The following PDE1A variants were observed in gnomAD, a reference collection of about 807,000 sequenced individuals.
The protein encoded by PDE1A is phosphodiesterase 1A.
A neutral mutation model predicts 61.7 loss-of-function variants in PDE1A; 35 were observed. That is an observed-to-expected ratio of 0.57 (90% CI 0.43 to 0.75). PDE1A has a LOEUF of 0.75. Among genes scored for constraint, PDE1A ranks in the 30% least tolerant of loss-of-function variants. The pLI is 0.00. For synonymous variants in PDE1A, 232 were observed against 213.2 expected (o/e 1.09, Z -0.77); for missense variants, 597 against 630.6 (o/e 0.95, Z 0.57).
chr2:182,614,693 G>T, the PDE1A span, among the ~76,000 whole-genome samples: 1 of 151,834 alleles, frequency 6.6e-6, no homozygotes, highest in Non-Finnish European at 1.5e-5. Flanking sequence ...GAGTAGCTGA[G>T]ACTACAGGCA....
chr2:182,454,368 T>C (rs149838325), intron 2 of PDE1A, among the ~76,000 whole-genome samples: 25,752 of 151,830 alleles, frequency 0.17, 2,585 homozygotes, highest in Middle Eastern at 0.35. Context: ...GATTCAATGG[T>C]ATCCCCATCA....
chr2:182,465,717 C>G (rs1388982188), intron 2 of PDE1A, among the ~76,000 whole-genome samples: 1 of 152,000 alleles, frequency 6.6e-6, no homozygotes, highest in Non-Finnish European at 1.5e-5. Context: ...ATTTAGTTAT[C>G]CACAGACAAA....
the PDE1A span, among the ~76,000 whole-genome samples, chr2:182,626,754 TATATATAC>T: frequency 8.2e-3 from 42 of 5,092 alleles, 7 homozygotes; most frequent in East Asian, 0.036. Flanking sequence ...TATACATATA[TATATATAC>T]ATATATATAC....
chr2:182,623,848 A>G, the PDE1A span, among the ~76,000 whole-genome samples: 12 of 152,296 alleles, frequency 7.9e-5, no homozygotes, highest in Middle Eastern at 3.4e-3. Context: ...AAGACAGGCC[A>G]GGCGCGGTGG....
In PDE1A at chr2:182,299,784, A is replaced by G. The variant is rs112253554; in HGVS notation, c.54-35370T>C. Among the ~76,000 whole-genome samples the G allele has an allele frequency of 1.5e-3, 235 of 152,236 alleles. 1 individual carries two copies. Among genetic ancestry groups the G allele is most frequent in the African/African-American group, 5.3e-3 (222 of 41,544 alleles). On this transcript the variant is annotated intron_variant, in intron 1 of 13. Coordinates refer to ENST00000351439, the Ensembl canonical transcript of PDE1A. Reference sequence around the variant, plus strand: ...GTTCAGATTCACATGATTGCATAACAATGTGTTCTTGATTATACACCAAGA... The same window carrying G: ...GTTCAGATTCACATGATTGCATAACGATGTGTTCTTGATTATACACCAAGA...
the PDE1A span, among the ~76,000 whole-genome samples, chr2:182,693,884 T>C: frequency 6.6e-6 from 1 of 152,144 alleles, no homozygotes; most frequent in Non-Finnish European, 1.5e-5. Flanking sequence ...TGACCTCAAG[T>C]GATCCGCCCG....
chr2:182,648,242 T>C, the PDE1A span, among the ~76,000 whole-genome samples: 1 of 152,120 alleles, frequency 6.6e-6, no homozygotes, highest in Non-Finnish European at 1.5e-5. Flanking sequence ...TGGGACATTC[T>C]GAGCCTTGCG....
the PDE1A span, among the ~76,000 whole-genome samples, chr2:182,583,705 G>C: frequency 1.3e-5 from 2 of 152,058 alleles, no homozygotes; most frequent in Admixed American, 6.6e-5. Context: ...TTTTTCCAGT[G>C]CAATTTTTCT....
chr2:182,616,484 TGAGTA>T, the PDE1A span, among the ~76,000 whole-genome samples: 1 of 152,208 alleles, frequency 6.6e-6, no homozygotes, highest in African/African-American at 2.4e-5. Context: ...TAGCAATAGT[TGAGTA>T]AAGTCTCATG....
rs75384784 is a variant in PDE1A at position 182,415,373 on chromosome 2, C to A, written c.53+11205G>T. The stretch of plus-strand genomic sequence containing the variant: ...TTAAAATAAAACAATGAATTTTTAG[C>A]ATTTTGGATACTAGGAAATTGATGG... On this transcript the variant is annotated intron_variant, in intron 1 of 13. Coordinates refer to ENST00000351439, the Ensembl canonical transcript of PDE1A. 1.4e-3 allele frequency among the ~76,000 whole-genome samples: 217 copies of A among 152,184 alleles called. 6 individuals carry two copies. In the East Asian group the frequency reaches 0.036, roughly 25 times the overall value.
At chr2:182,221,784 C>T (rs1190259096) in intron 7 of PDE1A, among the ~76,000 whole-genome samples, 2 of 152,000 alleles carry the variant, frequency 1.3e-5, no homozygotes, top group African/African-American at 4.8e-5. Context: ...ACTGGATTGA[C>T]AGTGAGTGTC....
chr2:182,372,110 G>A (rs184956696), intron 1 of PDE1A, among the ~76,000 whole-genome samples: 40 of 152,158 alleles, frequency 2.6e-4, no homozygotes, highest in Admixed American at 5.9e-4. Flanking sequence ...TTTTATTACC[G>A]TTAATTGGCA....
the PDE1A span, among the ~76,000 whole-genome samples, chr2:182,568,622 A>G: frequency 1.3e-5 from 2 of 152,152 alleles, no homozygotes; most frequent in South Asian, 2.1e-4. Context: ...CCGAGATCAC[A>G]CCACTGCCCT....
At chr2:182,694,842 T>C in the PDE1A span, among the ~76,000 whole-genome samples, 1 of 146,656 alleles carries the variant, frequency 6.8e-6, no homozygotes, top group Non-Finnish European at 1.5e-5. Context: ...GGGGCAACAG[T>C]TGTTTGTTTG....
the PDE1A span, among the ~76,000 whole-genome samples, chr2:182,594,319 A>G: frequency 7.9e-5 from 12 of 152,234 alleles, no homozygotes; most frequent in African/African-American, 2.9e-4. Flanking sequence ...CTCTAGATAG[A>G]GTCTAAGTAT....
the PDE1A span, among the ~76,000 whole-genome samples, chr2:182,575,127 G>T: frequency 6.6e-6 from 1 of 152,114 alleles, no homozygotes; most frequent in South Asian, 2.1e-4. Flanking sequence ...GCAGGTCATG[G>T]TTTTTTTCCT....
At chr2:182,313,059 T>A (rs1422222816) in intron 1 of PDE1A, among the ~76,000 whole-genome samples, 2 of 152,240 alleles carry the variant, frequency 1.3e-5, no homozygotes, top group African/African-American at 4.8e-5. Context: ...TCTGTTGCTA[T>A]TGTAAATATT....
At chr2:182,453,383 G>A (rs978853788) in intron 2 of PDE1A, among the ~76,000 whole-genome samples, 3 of 151,762 alleles carry the variant, frequency 2.0e-5, no homozygotes, top group African/African-American at 7.3e-5. Context: ...TTGGACACAT[G>A]ATGCCCGATT....
rs148558754 is a variant in PDE1A, at chr2:182,188,861, T to C, written c.1207+118A>G. ...CATAGATCCATTTAAAAATCAAATA[T>C]ATCATGAATATGGAGTGAGGTTTTC... is the stretch of plus-strand genomic sequence containing the variant. On this transcript the variant is annotated intron_variant, in intron 11 of 13. Coordinates refer to ENST00000351439, the Ensembl canonical transcript of PDE1A. 97 of 654,632 alleles carry C rather than the reference T, an allele frequency of 1.5e-4. No individual in the cohort carries two copies. The East Asian group carries it at 1.8e-3, about 12-fold the overall frequency. 40.6% of individuals were successfully genotyped at this position (654,632 alleles called of 1,614,324 possible). A position where few individuals can be genotyped will look rare whatever the true frequency, so the allele number is the denominator to read the frequency against.
Sources: gnomAD v4.1 joint callset for allele counts (sites outside exome capture counted in the v4.1 genomes callset) on GRCh38, gnomAD v4.1.1 for gene constraint, MANE v1.5 for transcripts, NCBI Gene and HGNC (gene_info 2026-07-23, HGNC 2026-07-21) for gene names.